ANKS1B: variants seen among roughly 807,000 people sequenced by gnomAD.
ANKS1B encodes the protein ankyrin repeat and sterile alpha motif domain containing 1B.
In ANKS1B, 36 loss-of-function variants were observed where a neutral mutation model predicts 148.3. The observed-to-expected ratio is 0.24, with a 90% CI of 0.19 to 0.32. The LOEUF (loss-of-function observed/expected upper bound fraction) is 0.32, where lower values mean the gene tolerates loss of function less well. ANKS1B is among the 10% of genes least tolerant of loss of function. ANKS1B has a pLI of 1.00. For synonymous variants in ANKS1B, 542 were observed against 560.8 expected (o/e 0.97, Z 0.47); for missense variants, 1,157 against 1,542.6 (o/e 0.75, Z 4.19).
intron 9 of ANKS1B, among the ~76,000 whole-genome samples, chr12:99,601,137 T>C (rs2097796496): frequency 6.6e-6 from 1 of 152,080 alleles, no homozygotes; most frequent in Non-Finnish European, 1.5e-5. Flanking sequence ...AGATTTTAAG[T>C]TCTGTGGATG....
chr12:99,259,114 A>T (rs2075639992), intron 12 of ANKS1B, among the ~76,000 whole-genome samples: 1 of 152,178 alleles, frequency 6.6e-6, no homozygotes, highest in African/African-American at 2.4e-5. Context: ...CCGATACATC[A>T]CGACGCTTTG....
intron 12 of ANKS1B, among the ~76,000 whole-genome samples, chr12:99,359,925 G>A (rs1566955158): frequency 6.6e-6 from 1 of 152,092 alleles, no homozygotes; most frequent in African/African-American, 2.4e-5. Context: ...TTGGTAAAGT[G>A]TTAATAGTAT....
At chr12:99,908,541 A>G (rs2093878506) in intron 1 of ANKS1B, among the ~76,000 whole-genome samples, 1 of 152,138 alleles carries the variant, frequency 6.6e-6, no homozygotes, top group Non-Finnish European at 1.5e-5. Context: ...TGATCACGCC[A>G]CTGCACTCCA....
intron 14 of ANKS1B, among the ~76,000 whole-genome samples, chr12:99,165,647 C>G (rs889547424): frequency 2.6e-5 from 4 of 151,710 alleles, no homozygotes; most frequent in Non-Finnish European, 4.4e-5. Flanking sequence ...TTATACAAAA[C>G]AAAACAAAAC....
intron 8 of ANKS1B, among the ~76,000 whole-genome samples, chr12:99,749,365 G>A (rs1322884119): frequency 6.6e-6 from 1 of 152,020 alleles, no homozygotes; most frequent in East Asian, 1.9e-4. Context: ...CCACCATATG[G>A]GAAAAGCTGG....
At chr12:99,155,952 C>G (rs1009708470) in intron 14 of ANKS1B, among the ~76,000 whole-genome samples, 1 of 152,148 alleles carries the variant, frequency 6.6e-6, no homozygotes, top group Non-Finnish European at 1.5e-5. Context: ...GAGAACAGTG[C>G]CTCTTCCACA....
At chr12:99,637,798 T>C (rs2098254321) in intron 9 of ANKS1B, among the ~76,000 whole-genome samples, 1 of 147,156 alleles carries the variant, frequency 6.8e-6, no homozygotes, top group African/African-American at 2.5e-5. Context: ...TTTCTATATA[T>C]ATATAATATA....
At chr12:99,696,907 A>T (rs927989789) in intron 8 of ANKS1B, among the ~76,000 whole-genome samples, 2 of 152,208 alleles carry the variant, frequency 1.3e-5, no homozygotes, top group Non-Finnish European at 2.9e-5. Context: ...CCCAATTTTT[A>T]AAATGGGCAA....
At position 99,139,446 on chromosome 12, in the gene ANKS1B, T is replaced by TTCTC. The variant is rs1566380314; in HGVS notation, c.2526+14842_2526+14843insGAGA. Reference sequence around the variant, plus strand: ...TCTTTCTTTCTTTCTTTCTTTTTCTTTCTTTCTTTCTTTCAAGATAGGAGT... The same window carrying TTCTC: ...TCTTTCTTTCTTTCTTTCTTTTTCTTTCTCTCTTTCTTTCTTTCAAGATAGGAGT... On this transcript the variant is annotated intron_variant, in intron 15 of 26. Transcript: ENST00000683438. Among the ~76,000 whole-genome samples, 25 of 68,988 alleles carry TTCTC rather than the reference T, an allele frequency of 3.6e-4. 4 individuals are homozygous for TTCTC. The highest frequency in any genetic ancestry group is 1.8e-3 in the African/African-American group (22 of 12,222). The allele number at this position is 68,988 out of a possible 152,430, so 45.3% of individuals were successfully genotyped here. A position where few individuals can be genotyped will look rare whatever the true frequency, so the allele number is the denominator to read the frequency against.
chr12:99,403,564 A>C (rs2094463735), intron 11 of ANKS1B, among the ~76,000 whole-genome samples: 1 of 143,862 alleles, frequency 7.0e-6, no homozygotes, highest in South Asian at 2.1e-4. Flanking sequence ...GTTTGCAAAA[A>C]TTTTCTCCCC....
intron 12 of ANKS1B, among the ~76,000 whole-genome samples, chr12:99,359,199 C>G (rs2092289655): frequency 6.6e-6 from 1 of 152,084 alleles, no homozygotes; most frequent in South Asian, 2.1e-4. Context: ...GCTCTGTTAT[C>G]CAACTTTATG....
intron 17 of ANKS1B, among the ~76,000 whole-genome samples, chr12:98,838,198 C>T (rs1182621093): frequency 6.6e-6 from 1 of 152,162 alleles, no homozygotes; most frequent in Non-Finnish European, 1.5e-5. Flanking sequence ...TTGGTTTGTG[C>T]TCCTTTCTGG....
intron 2 of ANKS1B, among the ~76,000 whole-genome samples, chr12:99,814,249 T>C (rs1016081288): frequency 1.3e-5 from 2 of 151,690 alleles, no homozygotes; most frequent in African/African-American, 4.8e-5. Flanking sequence ...AACACATGAC[T>C]GTACTTAGTC....
At chr12:99,398,785 T>C (rs2094323515) in intron 12 of ANKS1B, among the ~76,000 whole-genome samples, 1 of 152,162 alleles carries the variant, frequency 6.6e-6, no homozygotes, top group African/African-American at 2.4e-5. Context: ...CAACATATTA[T>C]TAGTGCCAAT....
chr12:99,832,305 G>A (rs187828456), intron 1 of ANKS1B, among the ~76,000 whole-genome samples: 141 of 152,194 alleles, frequency 9.3e-4, no homozygotes, highest in Non-Finnish European at 1.7e-3. Flanking sequence ...AAAAGAGAAA[G>A]GGTCTGGAAT....
chr12:98,911,296 G>A (rs886818940), intron 17 of ANKS1B, among the ~76,000 whole-genome samples: 2 of 152,244 alleles, frequency 1.3e-5, no homozygotes. Context: ...ATGAAACTGA[G>A]CTAATTCCAG....
intron 6 of ANKS1B, among the ~76,000 whole-genome samples, chr12:99,778,607 C>G (rs1601946376): frequency 6.6e-6 from 1 of 151,672 alleles, no homozygotes; most frequent in East Asian, 1.9e-4. Context: ...GTATGTGCCA[C>G]TCTTATTTTT....
intron 11 of ANKS1B, among the ~76,000 whole-genome samples, chr12:99,421,076 A>T (rs180990766): frequency 1.9e-4 from 29 of 152,330 alleles, no homozygotes; most frequent in Admixed American, 3.3e-4. Context: ...ATTAATTGAG[A>T]TAATGTAAAT....
intron 3 of ANKS1B, among the ~76,000 whole-genome samples, chr12:99,811,844 A>C (rs2068416291): frequency 6.6e-6 from 1 of 151,930 alleles, no homozygotes. Context: ...CTCATTACAC[A>C]TATGAATTCT....
Sources: gnomAD v4.1 joint callset for allele counts (sites outside exome capture counted in the v4.1 genomes callset) on GRCh38, gnomAD v4.1.1 for gene constraint, MANE v1.5 for transcripts, NCBI Gene and HGNC (gene_info 2026-07-23, HGNC 2026-07-21) for gene names.